Variants in FAM107B observed in about 807,000 individuals in gnomAD.
FAM107B encodes the protein protein FAM107B.
FAM107B carries 21 observed loss-of-function variants against 31.5 expected under a neutral mutation model. The observed-to-expected ratio is 0.67, with a 90% confidence interval of 0.47 to 0.96. The LOEUF is 0.96. FAM107B is among the 40% of genes least tolerant of loss of function. FAM107B has a pLI of 0.00. For missense variants in FAM107B, 452 were observed against 377.1 expected, an observed-to-expected ratio of 1.20 and a Z score of -1.64; for synonymous variants, 157 against 141.5, an observed-to-expected ratio of 1.11 and a Z score of -0.78.
intron 2 of FAM107B, among the ~76,000 whole-genome samples, chr10:14,610,065 C>T (rs970154713): frequency 1.4e-4 from 21 of 152,162 alleles, no homozygotes; most frequent in African/African-American, 4.6e-4. Flanking sequence ...GCATCTAGGC[C>T]GGGCACGGTG....
chr10:14,585,899 T>A (rs1374166029), intron 2 of FAM107B, among the ~76,000 whole-genome samples: 1 of 152,106 alleles, frequency 6.6e-6, no homozygotes, highest in Non-Finnish European at 1.5e-5. Flanking sequence ...TGTTACTAAT[T>A]ACACCTGGAC....
rs572015713 is a variant in FAM107B, at chr10:14,527,833, A to G, written c.653+2499T>C. On this transcript the variant is annotated intron_variant, in intron 3 of 4. Coordinates refer to ENST00000181796, the MANE Select transcript of FAM107B (RefSeq NM_031453.4). ...TTGGCACTAAAATTTAGAAATAAAA[A>G]CCCCAGTCTCTAAAAAGTATACAAA... The G allele has an allele frequency of 4.4e-5, 10 of 224,988 alleles. No individual in the cohort carries two copies. The South Asian group carries it at 5.0e-4, about 11-fold the overall frequency. The allele number at this position is 224,988 out of a possible 1,614,324, so 13.9% of individuals were successfully genotyped here.
intron 2 of FAM107B, among the ~76,000 whole-genome samples, chr10:14,620,905 C>T (rs999066288): frequency 2.0e-5 from 3 of 152,160 alleles, no homozygotes; most frequent in African/African-American, 4.8e-5. Context: ...ACCTTACATA[C>T]ATTTTGTTAA....
At chr10:14,682,439 G>A (rs1486325763) in intron 1 of FAM107B, among the ~76,000 whole-genome samples, 1 of 152,194 alleles carries the variant, frequency 6.6e-6, no homozygotes, top group African/African-American at 2.4e-5. Context: ...TGAGGCAAGA[G>A]GATCACTTGA....
At chr10:14,639,851 C>T (rs755407664) in intron 2 of FAM107B, among the ~76,000 whole-genome samples, 3 of 152,232 alleles carry the variant, frequency 2.0e-5, no homozygotes, top group Non-Finnish European at 4.4e-5. Flanking sequence ...CACCTTCCTC[C>T]TTCAGCTAAC....
At chr10:14,621,527 A>G (rs578206237) in intron 2 of FAM107B, among the ~76,000 whole-genome samples, 1 of 152,392 alleles carries the variant, frequency 6.6e-6, no homozygotes, top group Non-Finnish European at 1.5e-5. Flanking sequence ...GAAAAATTAA[A>G]ACAAGACATT....
At chr10:14,523,340 C>G (rs1377887198) in intron 3 of FAM107B, among the ~76,000 whole-genome samples, 1 of 152,190 alleles carries the variant, frequency 6.6e-6, no homozygotes, top group Non-Finnish European at 1.5e-5. Flanking sequence ...GGACAAACCA[C>G]CGAACAGGAA....
intron 2 of FAM107B, among the ~76,000 whole-genome samples, chr10:14,613,983 T>C (rs1197694611): frequency 6.6e-6 from 1 of 151,674 alleles, no homozygotes; most frequent in African/African-American, 2.4e-5. Context: ...ATACAAAAAT[T>C]AGTCAGGAGT....
chr10:14,641,067 G>A (rs150297546), intron 2 of FAM107B, among the ~76,000 whole-genome samples: 55 of 152,308 alleles, frequency 3.6e-4, no homozygotes, highest in Admixed American at 1.7e-3. Context: ...CAAATGAAGA[G>A]ATTACTTTAG....
chr10:14,527,272 C>T (rs1300295013), intron 3 of FAM107B, among the ~76,000 whole-genome samples: 1 of 151,854 alleles, frequency 6.6e-6, no homozygotes, highest in Admixed American at 6.6e-5. Flanking sequence ...AGGTTTTAAC[C>T]GTCAGACCTA....
At chr10:14,535,841 C>T (rs778606650) in intron 2 of FAM107B, among the ~76,000 whole-genome samples, 17 of 152,236 alleles carry the variant, frequency 1.1e-4, no homozygotes, top group Non-Finnish European at 1.8e-4. Context: ...GAGCAACACA[C>T]GGAAGTCATT....
At chr10:14,736,789 G>C (rs1387368165) in intron 1 of FAM107B, among the ~76,000 whole-genome samples, 1 of 152,184 alleles carries the variant, frequency 6.6e-6, no homozygotes, top group Non-Finnish European at 1.5e-5. Context: ...TTCGACAGTA[G>C]AATTTTGAAA....
intron 2 of FAM107B, among the ~76,000 whole-genome samples, chr10:14,622,544 A>G (rs1330496060): frequency 6.6e-6 from 1 of 152,132 alleles, no homozygotes; most frequent in Non-Finnish European, 1.5e-5. Flanking sequence ...TGACCTCGTG[A>G]TCCACCCGCC....
At chr10:14,629,221 T>C (rs1334341151) in intron 2 of FAM107B, among the ~76,000 whole-genome samples, 1 of 139,358 alleles carries the variant, frequency 7.2e-6, no homozygotes, top group Admixed American at 7.9e-5. Context: ...TATATTTATA[T>C]AATACATGTT....
intron 2 of FAM107B, among the ~76,000 whole-genome samples, chr10:14,555,458 C>T (rs1043194026): frequency 2.0e-5 from 3 of 152,130 alleles, no homozygotes; most frequent in Non-Finnish European, 2.9e-5. Flanking sequence ...AATTTAATGC[C>T]TGATTATAAA....
chr10:14,642,479 C>G (rs1853652186), intron 2 of FAM107B, among the ~76,000 whole-genome samples: 1 of 152,342 alleles, frequency 6.6e-6, no homozygotes, highest in South Asian at 2.1e-4. Context: ...ACTTTCTCAT[C>G]TAGTGAAATC....
intron 2 of FAM107B, among the ~76,000 whole-genome samples, chr10:14,546,859 G>A (rs1482341744): frequency 6.6e-5 from 10 of 152,208 alleles, no homozygotes; most frequent in South Asian, 2.1e-4. Flanking sequence ...GCTCAAAAAC[G>A]GACACAGATG....
At position 14,552,863 on chromosome 10, in the gene FAM107B, G is replaced by C. The variant is rs530666750; in HGVS notation, c.470-22348C>G. Among the ~76,000 whole-genome samples the C allele has an allele frequency of 2.0e-5, 3 of 152,006 alleles. No individual in the cohort carries two copies. In the East Asian group the frequency reaches 5.8e-4, roughly 29 times the overall value. Reference sequence around the variant, plus strand: ...ATTTCACTTCGTTGTAATGCTTGTTGTGACCCACTAAACTAATTTTATGAC... The same window carrying C: ...ATTTCACTTCGTTGTAATGCTTGTTCTGACCCACTAAACTAATTTTATGAC... On this transcript the variant is annotated intron_variant, in intron 2 of 4. Transcript: ENST00000181796.
chr10:14,610,604 C>T (rs1017257528), intron 2 of FAM107B, among the ~76,000 whole-genome samples: 1 of 152,132 alleles, frequency 6.6e-6, no homozygotes, highest in African/African-American at 2.4e-5. Context: ...ATTAATAGTA[C>T]TTAGGAAGGA....
Sources: allele counts gnomAD v4.1 joint callset (sites outside exome capture counted in the v4.1 genomes callset), GRCh38; gene constraint gnomAD v4.1.1; transcripts MANE v1.5; gene names NCBI Gene and HGNC (gene_info 2026-07-23, HGNC 2026-07-21).